Variants in CATSPER4 observed in about 807,000 individuals in gnomAD.
The protein encoded by CATSPER4 is cation channel sperm associated 4, also known as cation channel sperm-associated protein 4.
Under a neutral mutation model 54.4 loss-of-function variants are expected in CATSPER4, and 46 were observed. That is an observed-to-expected ratio of 0.84 (90% CI 0.67 to 1.08). CATSPER4 has a LOEUF of 1.08. Ranked by LOEUF, CATSPER4 falls within the 50% of genes least tolerant of loss-of-function variation. CATSPER4 has a pLI of 0.00. For synonymous variants in CATSPER4, 230 were observed against 231.9 expected, an observed-to-expected ratio of 0.99 and a Z score of 0.08; for missense variants, 574 against 612.8, an observed-to-expected ratio of 0.94 and a Z score of 0.67.
chr1:26,197,252 C>T (rs1368856514), intron 3 of CATSPER4, among the ~76,000 whole-genome samples: 2 of 152,196 alleles, frequency 1.3e-5, no homozygotes, highest in African/African-American at 4.8e-5. Flanking sequence ...CACCTCAGAA[C>T]TGGCTACTGA....
intron 9 of CATSPER4, 42 bp from the exon 10 acceptor site, chr1:26,202,447 G>A (rs780824102): frequency 5.1e-6 from 8 of 1,573,100 alleles, no homozygotes; most frequent in South Asian, 4.5e-5. Flanking sequence ...CTGCCATATC[G>A]GGGGGAGTGG....
chr1:26,193,543 G>A (rs1374274250), intron 2 of CATSPER4, among the ~76,000 whole-genome samples: 3 of 152,176 alleles, frequency 2.0e-5, no homozygotes, highest in Non-Finnish European at 4.4e-5. Flanking sequence ...TCTGTAAGAC[G>A]GGAATAAAAC....
chr1:26,201,419 G>A lies in CATSPER4; in HGVS notation c.1265G>A (p.Arg422His). The A allele has an allele frequency of 6.2e-7, 1 of 1,614,088 alleles. No individual in the cohort carries two copies. Among genetic ancestry groups the A allele is most frequent in the South Asian group, 1.1e-5 (1 of 91,090 alleles). ...QEQESEVLNR[R>H]SSTSGSLETT... ...CAGGAGTCAGAGGTGTTGAACAGGCGCTCGTCGACGAGCGGGTCGTTGGAG... is the reference window on the plus strand; with the variant it reads ...CAGGAGTCAGAGGTGTTGAACAGGCACTCGTCGACGAGCGGGTCGTTGGAG... The change falls in exon 9 of 10, where the codon CGC (arginine) becomes CAC (histidine). Residue 422 changes from arginine (R) to histidine (H), a missense_variant. Physicochemically the swap from Arg to His is conservative, Grantham distance 29. Transcript: ENST00000456354.
intron 9 of CATSPER4, 93 bp downstream of exon 9, chr1:26,201,612 T>C: frequency 7.8e-7 from 1 of 1,287,456 alleles, no homozygotes; most frequent in Non-Finnish European, 1.1e-6. Context: ...TCAAAGTTTC[T>C]GTCTATTCCA....
rs1270576877 is a variant in CATSPER4, at chr1:26,201,518, A to G, written c.1364A>G (p.Lys455Arg). 6.2e-7 allele frequency: 1 copy of G among 1,613,960 alleles called. No individual in the cohort carries two copies. The highest frequency in any genetic ancestry group is 1.7e-5 in the Admixed American group (1 of 60,018). The change falls in exon 9 of 10, where the codon AAG becomes AGG. Residue 455 changes from lysine (K) to arginine (R), a missense_variant and splice_region_variant. Lys to Arg is a conservative substitution (Grantham distance 26, BLOSUM62 2). Coordinates refer to ENST00000456354, the MANE Select transcript of CATSPER4 (RefSeq NM_198137.2). ...CTCAGTGCGCTCGTTAGCATGGAAAAGGTGTGCCTTCCTTCTCCTACCCAA... is the reference window on the plus strand; with the variant it reads ...CTCAGTGCGCTCGTTAGCATGGAAAGGGTGTGCCTTCCTTCTCCTACCCAA... ...DLLSALVSME[K>R]VHDSSSQILL...
intron 9 of CATSPER4, 23 bp downstream of exon 9, chr1:26,201,542 A>G: frequency 6.2e-7 from 1 of 1,612,664 alleles, no homozygotes; most frequent in East Asian, 2.2e-5. Context: ...TCTCCTACCC[A>G]ATGGGTACTC....
In CATSPER4 at chr1:26,193,763, C is replaced by CT. The variant is rs770406546; in HGVS notation, c.358-18dup. 4.5e-6 allele frequency: 7 copies of CT among 1,550,038 alleles called. No homozygotes were observed. In the East Asian group the frequency reaches 9.0e-5, roughly 20 times the overall value. ...CTGCTCCACTGACCTCTCTGCCCCTCTTTTTTCTCTGTCTCCCATGTAGAA... is the reference window on the plus strand; with the variant it reads ...CTGCTCCACTGACCTCTCTGCCCCTCTTTTTTTCTCTGTCTCCCATGTAGAA... On this transcript the variant is annotated intron_variant, in intron 2 of 9. Transcript: ENST00000456354.
At chr1:26,199,708 T>C (rs1180575559) in intron 6 of CATSPER4, among the ~76,000 whole-genome samples, 176 bp from the exon 7 acceptor site, 2 of 151,994 alleles carry the variant, frequency 1.3e-5, no homozygotes, top group East Asian at 3.8e-4. Context: ...GGCAGCACAG[T>C]AGGTGCTTAG....
chr1:26,195,506 C>CT (rs34814169), intron 3 of CATSPER4, among the ~76,000 whole-genome samples: 94,089 of 142,056 alleles, frequency 0.66, 31,767 homozygotes, highest in Non-Finnish European at 0.72. Flanking sequence ...TTTTCTTTTT[C>CT]TTTTTTTTTT....
At chr1:26,199,598 C>CAAAAA (rs561742837) in intron 6 of CATSPER4, among the ~76,000 whole-genome samples, 4 of 113,850 alleles carry the variant, frequency 3.5e-5, no homozygotes, top group African/African-American at 1.4e-4. Flanking sequence ...GACTCCATCT[C>CAAAAA]AAAAAAAAAA....
At chr1:26,199,368 G>T (rs990864878) in intron 6 of CATSPER4, among the ~76,000 whole-genome samples, 1 of 151,008 alleles carries the variant, frequency 6.6e-6, no homozygotes, top group Non-Finnish European at 1.5e-5. Context: ...GGAGGCGGAG[G>T]TTGCGGTGAA....
rs775245506 is a variant in CATSPER4 at position 26,190,817 on chromosome 1, C to T, written c.190C>T (p.Arg64Cys). Reference sequence around the variant, plus strand: ...GCCAGAGGAGCAAGTGCTCATCAACCGCCAGGAAATCACGAACAAAGCGGT... The same window carrying T: ...GCCAGAGGAGCAAGTGCTCATCAACTGCCAGGAAATCACGAACAAAGCGGT... Reference protein sequence around the residue: ...GRPEEQVLINRQEITNKADAW... With the variant: ...GRPEEQVLINCQEITNKADAW... Residue 64 changes from arginine to cysteine, a missense_variant, in exon 1 of 10, where the codon CGC becomes TGC. Coordinates refer to ENST00000456354, the MANE Select transcript of CATSPER4 (RefSeq NM_198137.2). 19 of 1,611,640 alleles carry T rather than the reference C, an allele frequency of 1.2e-5. No individual in the cohort carries two copies. The highest frequency in any genetic ancestry group is 1.2e-4 in the Admixed American group (7 of 59,612).
intron 8 of CATSPER4, 126 bp from the exon 9 acceptor site, chr1:26,201,228 A>T: frequency 9.1e-7 from 1 of 1,104,636 alleles, no homozygotes; most frequent in Non-Finnish European, 1.3e-6. Context: ...ACAAGGGCAC[A>T]GCTCGGCCTG....
At position 26,201,033 on chromosome 1, in the gene CATSPER4, AC is replaced by A; in HGVS notation, c.1192del (p.Leu398SerfsTer3). 1 of 1,613,164 alleles carries A rather than the reference AC, an allele frequency of 6.2e-7. No individual in the cohort carries two copies. The highest frequency in any genetic ancestry group is 8.5e-7 in the Non-Finnish European group (1 of 1,179,150). On this transcript the variant is annotated frameshift_variant, in exon 8 of 10. Transcript: ENST00000456354. LOFTEE classifies it high-confidence loss of function. The part of the protein sequence containing the change: ...LRQYKEIRDE[L>X]NMIVEEVRAI... ...GGCAGTACAAGGAGATCCGAGATGAACTCAACATGTAGGGGAGGGTACTGGG... is the reference window on the plus strand; with the variant it reads ...GGCAGTACAAGGAGATCCGAGATGAATCAACATGTAGGGGAGGGTACTGGG...
intron 3 of CATSPER4, among the ~76,000 whole-genome samples, chr1:26,194,325 G>A (rs887950949): frequency 3.3e-5 from 5 of 152,154 alleles, no homozygotes; most frequent in Admixed American, 3.3e-4. Flanking sequence ...TAAATGAAGT[G>A]GGCATGGCTG....
chr1:26,194,215 T>C (rs2088906865), intron 3 of CATSPER4, among the ~76,000 whole-genome samples: 1 of 152,248 alleles, frequency 6.6e-6, no homozygotes. Flanking sequence ...TTTTCTGTAA[T>C]GGACCAGATA....
chr1:26,201,154 C>G, intron 8 of CATSPER4, 113 bp downstream of exon 8: 4 of 1,026,090 alleles, frequency 3.9e-6, no homozygotes, highest in Non-Finnish European at 6.1e-6. Flanking sequence ...CTGGGCCCCA[C>G]AGAGGTCCCC....
Position 26,199,878 on chromosome 1 carries a change from C to G in CATSPER4, c.813-6C>G, listed in dbSNP as rs781051494. On this transcript the variant is annotated splice_polypyrimidine_tract_variant and splice_region_variant and intron_variant, in intron 6 of 9. Transcript: ENST00000456354. ...AAATGATGGGGCCCCTGCCTGCCATCTGCAGGACAGAGAAGAGGGAATATG... is the reference window on the plus strand; with the variant it reads ...AAATGATGGGGCCCCTGCCTGCCATGTGCAGGACAGAGAAGAGGGAATATG... 1.2e-6 allele frequency: 2 copies of G among 1,613,942 alleles called. No homozygotes were observed. The highest frequency in any genetic ancestry group is 1.7e-6 in the Non-Finnish European group (2 of 1,179,988).
At chr1:26,191,033 G>A (rs890851342) in intron 1 of CATSPER4, among the ~76,000 whole-genome samples, 193 bp downstream of exon 1, 6 of 151,936 alleles carry the variant, frequency 3.9e-5, no homozygotes, top group South Asian at 2.1e-4. Context: ...CTTATATAAC[G>A]ATCATCTTCA....
Sources: gnomAD v4.1 joint callset for allele counts (sites outside exome capture counted in the v4.1 genomes callset) on GRCh38, gnomAD v4.1.1 for gene constraint, MANE v1.5 for transcripts, NCBI Gene and HGNC (gene_info 2026-07-23, HGNC 2026-07-21) for gene names.